SEMA3D: variants seen among roughly 807,000 people sequenced by gnomAD.
SEMA3D encodes the protein semaphorin-3D.
SEMA3D carries 84 observed loss-of-function variants against 100.1 expected under a neutral mutation model. That is an observed-to-expected ratio of 0.84 (90% CI 0.70 to 1.01). The LOEUF (loss-of-function observed/expected upper bound fraction) is 1.01, where lower values mean the gene tolerates loss of function less well. SEMA3D is among the 50% of genes least tolerant of loss of function. SEMA3D has a pLI of 0.00. For synonymous variants in SEMA3D, 312 were observed against 320.7 expected (o/e 0.97, Z 0.29); for missense variants, 875 against 934.1 (o/e 0.94, Z 0.82).
chr7:85,201,966 C>T, the SEMA3D span, among the ~76,000 whole-genome samples: 3 of 152,068 alleles, frequency 2.0e-5, no homozygotes, highest in Admixed American at 6.5e-5. Context: ...GTGACCCTCT[C>T]ACCTCATCAT....
At chr7:85,101,833 T>C (rs1039969518) in intron 3 of SEMA3D, among the ~76,000 whole-genome samples, 3 of 152,038 alleles carry the variant, frequency 2.0e-5, no homozygotes, top group African/African-American at 7.2e-5. Flanking sequence ...AGTATGATTA[T>C]TAAACTCTAC....
the SEMA3D span, among the ~76,000 whole-genome samples, chr7:85,214,117 C>A: frequency 3.9e-5 from 6 of 152,132 alleles, no homozygotes; most frequent in African/African-American, 1.4e-4. Context: ...TGGGTAGGTA[C>A]CATTTTATTC....
chr7:85,140,922 C>T, intron 2 of SEMA3D: 1 of 609,708 alleles, frequency 1.6e-6, no homozygotes, highest in Non-Finnish European at 2.0e-6. Flanking sequence ...TAGAGATGAT[C>T]ACTGTTAAAA....
intron 12 of SEMA3D, among the ~76,000 whole-genome samples, chr7:85,036,298 TA>T (rs1790690866): frequency 6.6e-6 from 1 of 152,108 alleles, no homozygotes; most frequent in Non-Finnish European, 1.5e-5. Context: ...GTATAAACTC[TA>T]AAATACATTC....
intron 12 of SEMA3D, among the ~76,000 whole-genome samples, chr7:85,024,346 G>GA (rs147079137): frequency 0.026 from 3,927 of 151,840 alleles, 180 homozygotes; most frequent in African/African-American, 0.09. Context: ...TCCAACTTAA[G>GA]AAAAAATCAC....
chr7:85,121,153 G>A (rs140977890), intron 3 of SEMA3D, among the ~76,000 whole-genome samples: 232 of 152,238 alleles, frequency 1.5e-3, no homozygotes, highest in Non-Finnish European at 2.4e-3. Context: ...CTATTTGGGC[G>A]TGAAACTGGA....
the SEMA3D span, among the ~76,000 whole-genome samples, chr7:85,223,779 G>A: frequency 6.6e-6 from 1 of 151,982 alleles, no homozygotes; most frequent in African/African-American, 2.4e-5. Context: ...TGAGGGGGGT[G>A]CAGGATAAAA....
intron 8 of SEMA3D, among the ~76,000 whole-genome samples, chr7:85,058,526 T>A (rs1450672048): frequency 6.6e-6 from 1 of 152,034 alleles, no homozygotes; most frequent in Non-Finnish European, 1.5e-5. Context: ...GGCCGGCAGA[T>A]CACGAGGTAA....
chr7:85,106,389 T>C (rs1788923184), intron 3 of SEMA3D, among the ~76,000 whole-genome samples: 1 of 152,020 alleles, frequency 6.6e-6, no homozygotes, highest in Admixed American at 6.6e-5. Flanking sequence ...TATTATTGAC[T>C]CCAAGTAATA....
chr7:85,128,998 C>A (rs1204790935), intron 2 of SEMA3D, among the ~76,000 whole-genome samples: 1 of 150,790 alleles, frequency 6.6e-6, no homozygotes, highest in Non-Finnish European at 1.5e-5. Flanking sequence ...CTCAAGTGAT[C>A]CACCTGCCTT....
intron 2 of SEMA3D, chr7:85,141,114 CTGTT>C (rs1790037720): frequency 5.1e-6 from 5 of 981,970 alleles, no homozygotes; most frequent in Non-Finnish European, 6.0e-6. Flanking sequence ...TGTTTCAAAA[CTGTT>C]TTTATAGGTG....
intron 17 of SEMA3D, among the ~76,000 whole-genome samples, chr7:85,009,813 A>G (rs1022316855): frequency 6.6e-6 from 1 of 151,768 alleles, no homozygotes; most frequent in African/African-American, 2.4e-5. Flanking sequence ...TTACCTGTCT[A>G]TTGCACAACT....
At chr7:85,120,334 C>T (rs1789372350) in intron 3 of SEMA3D, among the ~76,000 whole-genome samples, 1 of 151,908 alleles carries the variant, frequency 6.6e-6, no homozygotes, top group Non-Finnish European at 1.5e-5. Context: ...TTGAATATAT[C>T]TATGATTAAG....
intron 4 of SEMA3D, among the ~76,000 whole-genome samples, chr7:85,089,709 A>C (rs1788327062): frequency 2.0e-5 from 3 of 151,974 alleles, no homozygotes; most frequent in Non-Finnish European, 4.4e-5. Context: ...ACATGGCAAC[A>C]CTCTGTCTCT....
At chr7:85,100,312 C>CT (rs61378869) in intron 3 of SEMA3D, among the ~76,000 whole-genome samples, 15,078 of 142,542 alleles carry the variant, frequency 0.11, 1,896 homozygotes, top group African/African-American at 0.3. Context: ...GTTGATTTTT[C>CT]TTTTTTTTTT....
intron 3 of SEMA3D, among the ~76,000 whole-genome samples, chr7:85,113,541 G>C (rs2116373388): frequency 6.6e-6 from 1 of 151,228 alleles, no homozygotes; most frequent in South Asian, 2.1e-4. Context: ...GGGAGGCCGA[G>C]GTGGGCAGAT....
In SEMA3D at chr7:85,137,730, G is replaced by A. The variant is rs150300747; in HGVS notation, c.-40-15799C>T. Among the ~76,000 whole-genome samples, 174 of 152,152 alleles carry A rather than the reference G, an allele frequency of 1.1e-3. 1 individual carries two copies. The highest frequency in any genetic ancestry group is 3.9e-3 in the African/African-American group (163 of 41,526). On this transcript the variant is annotated intron_variant, in intron 2 of 18. Transcript: ENST00000284136. The stretch of plus-strand genomic sequence containing the variant: ...TTTGAAATATAAACTCCCTAGGTTG[G>A]TATCCAAATCCCTTCTTTAACTACA...
intron 3 of SEMA3D, among the ~76,000 whole-genome samples, chr7:85,119,420 A>ATAAAGAAAATGTGTAC (rs1409617338): frequency 1.3e-5 from 2 of 152,194 alleles, no homozygotes; most frequent in African/African-American, 4.8e-5. Flanking sequence ...CATACCCTGG[A>ATAAAGAAAATGTGTAC]ATACTATGCA....
intron 3 of SEMA3D, among the ~76,000 whole-genome samples, chr7:85,109,572 T>C (rs1789030287): frequency 6.6e-6 from 1 of 151,994 alleles, no homozygotes; most frequent in South Asian, 2.1e-4. Context: ...AAAAGGACTT[T>C]CGTTCTAATT....
Sources: gnomAD v4.1 joint callset for allele counts (sites outside exome capture counted in the v4.1 genomes callset) on GRCh38, gnomAD v4.1.1 for gene constraint, MANE v1.5 for transcripts, NCBI Gene and HGNC (gene_info 2026-07-23, HGNC 2026-07-21) for gene names.